TRPM6: variants seen among roughly 807,000 people sequenced by gnomAD.
TRPM6 encodes channel kinase 2.
TRPM6 carries 111 observed loss-of-function variants against 247.6 expected under a neutral mutation model. That is an observed-to-expected ratio of 0.45 (90% CI 0.38 to 0.52). The LOEUF (loss-of-function observed/expected upper bound fraction) is 0.52, where lower values mean the gene tolerates loss of function less well. TRPM6 is among the 20% of genes least tolerant of loss of function. The probability of loss-of-function intolerance (pLI) is 0.00; values close to 1 mark genes in which losing one functional copy is unlikely to be tolerated. For missense variants in TRPM6, 2,126 were observed against 2,421.5 expected, an observed-to-expected ratio of 0.88 and a Z score of 2.56; for synonymous variants, 892 against 853.8, an observed-to-expected ratio of 1.04 and a Z score of -0.78.
At chr9:74,860,428 G>A (rs1180753781) in intron 1 of TRPM6, among the ~76,000 whole-genome samples, 4 of 151,768 alleles carry the variant, frequency 2.6e-5, no homozygotes, top group Non-Finnish European at 5.9e-5. Context: ...GCGCAATCTC[G>A]GCTCACTGAA....
intron 1 of TRPM6, chr9:74,887,423 G>T: frequency 8.2e-7 from 1 of 1,213,676 alleles, no homozygotes; most frequent in Non-Finnish European, 1.1e-6. Context: ...TCTCTCCTCC[G>T]GATTCTCAGC....
At chr9:74,858,866 C>T (rs1026367746) in intron 1 of TRPM6, 118 bp from the exon 2 acceptor site, 2 of 777,454 alleles carry the variant, frequency 2.6e-6, no homozygotes, top group Non-Finnish European at 4.3e-6. Context: ...AATGCCAAGA[C>T]CAACCCCACA....
chr9:74,742,416 A>G, intron 33 of TRPM6, 145 bp downstream of exon 33: 1 of 776,836 alleles, frequency 1.3e-6, no homozygotes, highest in Non-Finnish European at 2.2e-6. Flanking sequence ...AAGAATTTCC[A>G]TTTTAGGAAA....
At chr9:74,758,350 C>T (rs766206843) in intron 27 of TRPM6, among the ~76,000 whole-genome samples, 16 of 151,894 alleles carry the variant, frequency 1.1e-4, no homozygotes, top group Non-Finnish European at 1.6e-4. Context: ...GACAACTATC[C>T]CTCAATAATT....
chr9:74,775,762 A>G (rs1360180139), intron 24 of TRPM6, 121 bp downstream of exon 24: 13 of 988,454 alleles, frequency 1.3e-5, no homozygotes, highest in South Asian at 3.9e-5. Context: ...CTGATATTCT[A>G]TTGTCAGGGA....
intron 27 of TRPM6, among the ~76,000 whole-genome samples, chr9:74,758,540 TC>T (rs1006177156): frequency 2.0e-5 from 3 of 152,100 alleles, no homozygotes; most frequent in Non-Finnish European, 4.4e-5. Flanking sequence ...AAATATCTGA[TC>T]ACCTAAGTAG....
intron 34 of TRPM6, 65 bp downstream of exon 34, chr9:74,739,658 T>C: frequency 6.3e-7 from 1 of 1,596,510 alleles, no homozygotes. Context: ...TAGATAAGGA[T>C]GTAGCCAGAT....
At position 74,747,927 on chromosome 9, in the gene TRPM6, A is replaced by C; in HGVS notation, c.5058-13T>G. On this transcript the variant is annotated splice_polypyrimidine_tract_variant and intron_variant, in intron 30 of 38. Transcript: ENST00000360774. ...TGAACTTTTCAGCCTGTTTGAAAAA[A>C]AAATGAAGTTGTTTAGATAATGCTG... The C allele has an allele frequency of 6.2e-7, 1 of 1,611,886 alleles. No individual in the cohort carries two copies. Among genetic ancestry groups the C allele is most frequent in the Non-Finnish European group, 8.5e-7 (1 of 1,178,818 alleles).
intron 2 of TRPM6, 116 bp downstream of exon 2, chr9:74,858,553 A>T (rs554542111): frequency 1.4e-5 from 9 of 635,486 alleles, no homozygotes; most frequent in Non-Finnish European, 2.1e-5. Context: ...AAACATTGAA[A>T]ATTCTAACTT....
chr9:74,848,960 T>C (rs1830197017), intron 3 of TRPM6, among the ~76,000 whole-genome samples: 1 of 152,050 alleles, frequency 6.6e-6, no homozygotes, highest in Non-Finnish European at 1.5e-5. Context: ...GGTGGAGAAA[T>C]GTGGCTAGCT....
intron 8 of TRPM6, 66 bp from the exon 9 acceptor site, chr9:74,820,493 A>G: frequency 1.3e-6 from 2 of 1,595,712 alleles, no homozygotes; most frequent in Non-Finnish European, 1.7e-6. Flanking sequence ...CATCAGTACA[A>G]GAAAACACCC....
chr9:74,813,929 T>G (rs1016323984), intron 11 of TRPM6, among the ~76,000 whole-genome samples: 2 of 152,170 alleles, frequency 1.3e-5, no homozygotes, highest in African/African-American at 4.8e-5. Context: ...AAACTCCATC[T>G]CTACTAAAAA....
intron 5 of TRPM6, among the ~76,000 whole-genome samples, chr9:74,837,138 G>C (rs899745520): frequency 5.9e-5 from 9 of 152,174 alleles, no homozygotes; most frequent in Non-Finnish European, 1.3e-4. Context: ...CTTAAGGCTT[G>C]TGGCATTCAA....
intron 24 of TRPM6, among the ~76,000 whole-genome samples, chr9:74,773,659 T>C (rs1401547374): frequency 6.6e-6 from 1 of 152,216 alleles, no homozygotes; most frequent in Non-Finnish European, 1.5e-5. Context: ...AAGTTCTCTT[T>C]CTTGAATGGT....
At chr9:74,863,591 T>G (rs188532601) in intron 1 of TRPM6, among the ~76,000 whole-genome samples, 1 of 148,652 alleles carries the variant, frequency 6.7e-6, no homozygotes, top group African/African-American at 2.6e-5. Flanking sequence ...AAAAAGTGAC[T>G]TTTTTTTTGA....
In TRPM6 at chr9:74,860,862, A is replaced by C. The variant is rs111447567; in HGVS notation, c.34-2114T>G. ...GTGAAACCCTGTCTCTACAAAATAC[A>C]GGAATAAAAACAGCCGTGCATGGTG... On this transcript the variant is annotated intron_variant, in intron 1 of 38. Coordinates refer to ENST00000360774, the MANE Select transcript of TRPM6 (RefSeq NM_017662.5). 2.6e-5 allele frequency among the ~76,000 whole-genome samples: 4 copies of C among 152,130 alleles called. 1 individual carries two copies. The highest frequency in any genetic ancestry group is 2.6e-4 in the Admixed American group (4 of 15,276).
At chr9:74,738,196 T>C (rs1016893791) in intron 36 of TRPM6, among the ~76,000 whole-genome samples, 7 of 152,200 alleles carry the variant, frequency 4.6e-5, no homozygotes, top group African/African-American at 1.7e-4. Flanking sequence ...TTTAAATAGA[T>C]AATCATCTGC....
At chr9:74,848,508 G>C (rs143508404) in intron 3 of TRPM6, among the ~76,000 whole-genome samples, 20 of 152,174 alleles carry the variant, frequency 1.3e-4, no homozygotes, top group Admixed American at 6.5e-4. Flanking sequence ...CTTTTTTTCT[G>C]GGATTTTCTA....
chr9:74,884,239 C>T (rs1831456041), intron 1 of TRPM6, among the ~76,000 whole-genome samples: 1 of 152,050 alleles, frequency 6.6e-6, no homozygotes, highest in Non-Finnish European at 1.5e-5. Flanking sequence ...ACCTATAATC[C>T]CAGCACTCTG....
Sources: gnomAD v4.1 joint callset for allele counts (sites outside exome capture counted in the v4.1 genomes callset) on GRCh38, gnomAD v4.1.1 for gene constraint, MANE v1.5 for transcripts, NCBI Gene and HGNC (gene_info 2026-07-23, HGNC 2026-07-21) for gene names.